AGBL3: variants seen among roughly 807,000 people sequenced by gnomAD.
AGBL3 encodes the protein AGBL carboxypeptidase 3.
A neutral mutation model predicts 94.5 loss-of-function variants in AGBL3; 68 were observed. That is an observed-to-expected ratio of 0.72 (90% CI 0.59 to 0.88). The LOEUF is 0.88. Ranked by LOEUF, AGBL3 falls within the 40% of genes least tolerant of loss-of-function variation. AGBL3 has a pLI of 0.00. For missense variants in AGBL3, 934 were observed against 1,103.8 expected (o/e 0.85, Z 2.18); for synonymous variants, 354 against 370.7 (o/e 0.95, Z 0.52).
Position 135,135,061 on chromosome 7 carries a change from C to T in AGBL3, c.2563C>T (p.Leu855Phe). The change falls in exon 17 of 17, where the codon CTC becomes TTC. Residue 855 changes from leucine to phenylalanine, a missense_variant. This residue lies in a region of AGBL3 where 441 missense variants were observed against 518.2 expected (regional missense o/e 0.85). Coordinates refer to ENST00000436302, the MANE Select transcript of AGBL3 (RefSeq NM_178563.4). Reference protein sequence around the residue: ...WAIKNEDIKPLSSKWETASSS... With the variant: ...WAIKNEDIKPFSSKWETASSS... ...CATAAAGAATGAAGACATAAAACCT[C>T]TCAGCAGCAAGTGGGAGACTGCTTC... 1 of 1,551,228 alleles carries T rather than the reference C, an allele frequency of 6.4e-7. No homozygotes were observed. The highest frequency in any genetic ancestry group is 8.7e-7 in the Non-Finnish European group (1 of 1,146,676).
intron 8 of AGBL3, among the ~76,000 whole-genome samples, chr7:135,040,134 C>T (rs957787765): frequency 1.3e-5 from 2 of 152,164 alleles, no homozygotes; most frequent in Non-Finnish European, 2.9e-5. Context: ...TCCTTGAAAA[C>T]TACAGACTAC....
intron 11 of AGBL3, among the ~76,000 whole-genome samples, chr7:135,050,027 A>G (rs1238949184): frequency 1.3e-5 from 2 of 151,826 alleles, no homozygotes; most frequent in African/African-American, 4.8e-5. Flanking sequence ...TTAAATATAT[A>G]CATTTATCAC....
At chr7:135,082,864 T>C (rs1821033673) in intron 15 of AGBL3, among the ~76,000 whole-genome samples, 2 of 152,278 alleles carry the variant, frequency 1.3e-5, no homozygotes, top group Admixed American at 1.3e-4. Flanking sequence ...CATAGATACA[T>C]GTATTTGACC....
chr7:135,001,642 ATTC>A (rs1213385473), intron 4 of AGBL3, among the ~76,000 whole-genome samples: 2 of 151,990 alleles, frequency 1.3e-5, no homozygotes, highest in African/African-American at 4.8e-5. Context: ...GAGTCCCTTG[ATTC>A]TTCCTTTTGT....
intron 4 of AGBL3, among the ~76,000 whole-genome samples, chr7:134,997,901 A>T (rs986711940): frequency 2.0e-5 from 3 of 152,192 alleles, no homozygotes; most frequent in Non-Finnish European, 4.4e-5. Context: ...ATTATCTCCT[A>T]TTTTAATATT....
At chr7:134,995,884 G>A (rs2133385206) in intron 4 of AGBL3, among the ~76,000 whole-genome samples, 1 of 152,206 alleles carries the variant, frequency 6.6e-6, no homozygotes, top group East Asian at 1.9e-4. Context: ...CAAGCCAACT[G>A]GAACACCCAA....
Position 135,081,749 on chromosome 7 carries a change from T to G in AGBL3, c.2069T>G (p.Met690Arg). The change falls in exon 15 of 17, where the codon ATG becomes AGG. Residue 690 changes from methionine to arginine, a missense_variant. Met to Arg is a moderately conservative substitution (Grantham distance 91). Around this residue, in one of 3 missense-constraint regions of AGBL3, gnomAD observed 441 missense variants for 518.2 expected, o/e 0.85. Coordinates refer to ENST00000436302, the MANE Select transcript of AGBL3 (RefSeq NM_178563.4). ...AGGCCAAATGAACCAGATGATTATA[T>G]GGTTGATTATTTCAGAAGACAATTA... ...DTRPNEPDDY[M>R]VDYFRRQLPN... 1 of 1,542,712 alleles carries G rather than the reference T, an allele frequency of 6.5e-7. No individual in the cohort carries two copies. The highest frequency in any genetic ancestry group is 1.7e-4 in the Middle Eastern group (1 of 5,946).
chr7:135,063,325 GTTTTTCTAGTCCCT>G (rs1819004690), intron 12 of AGBL3, among the ~76,000 whole-genome samples: 1 of 151,190 alleles, frequency 6.6e-6, no homozygotes, highest in Non-Finnish European at 1.5e-5. Flanking sequence ...CTTTCCTATT[GTTTTTCTAGTCCCT>G]ATTTATTTTT....
Position 135,032,855 on chromosome 7 carries a change from C to G in AGBL3, c.430C>G (p.Pro144Ala). The G allele has an allele frequency of 6.5e-7, 1 of 1,547,902 alleles. No homozygotes were observed. The highest frequency in any genetic ancestry group is 8.7e-7 in the Non-Finnish European group (1 of 1,145,552). ...VYLAEDAYKE[P>A]CFVYSRVGGN... ...TCTTCTCTCATCAGCTTACAAAGAG[C>G]CCTGTTTTGTGTATTCCCGAGTTGG... is the stretch of plus-strand genomic sequence containing the variant. The change falls in exon 6 of 17, where the codon CCC (proline) becomes GCC (alanine). Residue 144 changes from proline to alanine, a missense_variant. Around this residue, in one of 3 missense-constraint regions of AGBL3, gnomAD observed 488 missense variants for 563.6 expected, o/e 0.87. Coordinates refer to ENST00000436302, the MANE Select transcript of AGBL3 (RefSeq NM_178563.4).
intron 4 of AGBL3, chr7:135,011,573 C>G (rs1813164972): frequency 1.3e-5 from 2 of 152,078 alleles, no homozygotes; most frequent in Admixed American, 6.6e-5. Flanking sequence ...AAAAGACAAA[C>G]AACCCAGTAG....
intron 13 of AGBL3, among the ~76,000 whole-genome samples, chr7:135,078,216 A>G (rs975130925): frequency 3.3e-5 from 5 of 152,190 alleles, no homozygotes; most frequent in African/African-American, 4.8e-5. Flanking sequence ...TGGTCAGGGA[A>G]AGAGACAGAG....
intron 15 of AGBL3, among the ~76,000 whole-genome samples, chr7:135,086,059 C>A (rs1365488420): frequency 6.6e-6 from 1 of 151,890 alleles, no homozygotes; most frequent in Non-Finnish European, 1.5e-5. Context: ...ACCTCTTTGG[C>A]TAAATTTATT....
intron 15 of AGBL3, among the ~76,000 whole-genome samples, chr7:135,087,157 T>C (rs867271133): frequency 1.3e-5 from 2 of 151,992 alleles, no homozygotes; most frequent in Non-Finnish European, 2.9e-5. Context: ...TGGTCTCCAA[T>C]GATCCTTGTA....
intron 4 of AGBL3, among the ~76,000 whole-genome samples, chr7:135,007,866 TAAAC>T (rs1812588798): frequency 2.0e-5 from 3 of 152,050 alleles, no homozygotes; most frequent in East Asian, 1.9e-4. Flanking sequence ...GCACTTATAA[TAAAC>T]AACCCTAAAA....
intron 12 of AGBL3, among the ~76,000 whole-genome samples, chr7:135,074,621 T>C (rs549041410): frequency 6.6e-6 from 1 of 152,300 alleles, no homozygotes; most frequent in South Asian, 2.1e-4. Context: ...CCACTCTCAA[T>C]ACTTTAAAGG....
chr7:135,083,088 T>C (rs1416693460), intron 15 of AGBL3, among the ~76,000 whole-genome samples: 1 of 152,134 alleles, frequency 6.6e-6, no homozygotes. Context: ...GTCCCTCATA[T>C]CCAGTCAGCC....
rs575775249 is a variant in AGBL3 at position 135,079,016 on chromosome 7, T to C, written c.1981-1187T>C. ...ACTTTGTTTCCCACCAAGACACTCT[T>C]ACTTGTTGATTCTGAAGAATTTCAG... On this transcript the variant is annotated intron_variant, in intron 13 of 16. Transcript: ENST00000436302. Among the ~76,000 whole-genome samples the C allele has an allele frequency of 8.5e-5, 13 of 152,346 alleles. No individual in the cohort carries two copies. In the East Asian group the frequency reaches 2.1e-3, roughly 25 times the overall value.
chr7:135,116,899 G>C (rs544831447), intron 16 of AGBL3, among the ~76,000 whole-genome samples: 2 of 152,240 alleles, frequency 1.3e-5, no homozygotes, highest in South Asian at 2.1e-4. Context: ...GCATGTGTCT[G>C]GGCACATTTG....
intron 16 of AGBL3, among the ~76,000 whole-genome samples, chr7:135,117,475 A>G (rs191136763): frequency 1.5e-4 from 23 of 152,334 alleles, no homozygotes; most frequent in African/African-American, 5.1e-4. Flanking sequence ...AATTAGACCA[A>G]TGTCTAAAAT....
Sources: gnomAD v4.1 joint callset for allele counts (sites outside exome capture counted in the v4.1 genomes callset) on GRCh38, gnomAD v4.1.1 for gene constraint, gnomAD v4.1.1 regional missense constraint, MANE v1.5 for transcripts, NCBI Gene and HGNC (gene_info 2026-07-23, HGNC 2026-07-21) for gene names.